Variants in ARID2 observed in about 807,000 individuals in gnomAD.
ARID2 encodes the protein AT-rich interactive domain-containing protein 2.
Under a neutral mutation model 184.6 loss-of-function variants are expected in ARID2, and 32 were observed. That is an observed-to-expected ratio of 0.17 (90% CI 0.13 to 0.23). The LOEUF (loss-of-function observed/expected upper bound fraction) is 0.23. Ranked by LOEUF, ARID2 falls within the 10% of genes least tolerant of loss-of-function variation. The pLI, the probability that ARID2 is intolerant of heterozygous loss-of-function variation, is 1.00. For synonymous variants in ARID2, 836 were observed against 772.6 expected (o/e 1.08, Z -1.36); for missense variants, 1,696 against 2,197.6 (o/e 0.77, Z 4.56).
rs919664929 is a variant in ARID2 at position 45,907,365 on chromosome 12, G to A, written c.*2287G>A. 1.7e-5 allele frequency: 4 copies of A among 233,304 alleles called. No homozygotes were observed. The highest frequency in any genetic ancestry group is 3.4e-5 in the Non-Finnish European group (4 of 117,880). The allele number at this position is 233,304 out of a possible 1,614,324, so 14.5% of individuals were successfully genotyped here. A position where few individuals can be genotyped will look rare whatever the true frequency, so the allele number is the denominator to read the frequency against. Reference sequence around the variant, plus strand: ...GTGGTAATTAAATTAATAGAAAAGAGAACAAACTGCAGGTTTAGAAAAATG... The same window carrying A: ...GTGGTAATTAAATTAATAGAAAAGAAAACAAACTGCAGGTTTAGAAAAATG... On this transcript the variant is annotated 3_prime_UTR_variant, in exon 21 of 21. Coordinates refer to ENST00000334344, the MANE Select transcript of ARID2 (RefSeq NM_152641.4).
intron 3 of ARID2, among the ~76,000 whole-genome samples, chr12:45,774,284 A>G (rs1249056296): frequency 6.6e-6 from 1 of 151,942 alleles, no homozygotes; most frequent in Non-Finnish European, 1.5e-5. Flanking sequence ...CCTAATTTTT[A>G]GTGTGAAGGT....
chr12:45,823,883 C>CT (rs1942943455), intron 6 of ARID2, among the ~76,000 whole-genome samples: 1 of 152,240 alleles, frequency 6.6e-6, no homozygotes, highest in African/African-American at 2.4e-5. Context: ...CAGTTCTTCT[C>CT]TAACTATTCC....
intron 20 of ARID2, among the ~76,000 whole-genome samples, chr12:45,899,663 A>ATGGT (rs369610412): frequency 1.5e-4 from 3 of 19,364 alleles, no homozygotes; most frequent in Non-Finnish European, 4.9e-4. Flanking sequence ...TTATATATAT[A>ATGGT]TATATGGTTA....
intron 3 of ARID2, among the ~76,000 whole-genome samples, chr12:45,735,030 C>T (rs1941081638): frequency 6.6e-6 from 1 of 151,606 alleles, no homozygotes; most frequent in Non-Finnish European, 1.5e-5. Context: ...TTATATGTAC[C>T]TACCTTTAGA....
intron 6 of ARID2, among the ~76,000 whole-genome samples, chr12:45,823,356 G>T (rs1209970793): frequency 6.6e-6 from 1 of 151,904 alleles, no homozygotes; most frequent in East Asian, 1.9e-4. Context: ...AAAGTAGAAA[G>T]ATTTCAAATA....
At chr12:45,755,711 C>T (rs1941555801) in intron 3 of ARID2, among the ~76,000 whole-genome samples, 1 of 152,162 alleles carries the variant, frequency 6.6e-6, no homozygotes, top group Non-Finnish European at 1.5e-5. Context: ...TTTACAACTT[C>T]ATCTCTGAGC....
intron 3 of ARID2, among the ~76,000 whole-genome samples, chr12:45,757,128 A>C (rs1247167404): frequency 3.3e-5 from 5 of 152,276 alleles, no homozygotes; most frequent in South Asian, 4.1e-4. Context: ...ATCCCCTTTC[A>C]TTGTACAATT....
intron 3 of ARID2, among the ~76,000 whole-genome samples, chr12:45,795,293 T>A (rs1016537953): frequency 3.3e-5 from 5 of 152,162 alleles, no homozygotes; most frequent in African/African-American, 9.7e-5. Context: ...TCTACTCCTG[T>A]TCTCATGAGG....
At chr12:45,846,162 T>A (rs866165005) in intron 11 of ARID2, 1 of 152,176 alleles carries the variant, frequency 6.6e-6, no homozygotes, top group Non-Finnish European at 1.5e-5. Flanking sequence ...GATTAATAGC[T>A]AGTACATTTG....
chr12:45,809,458 A>T (rs1431501676), intron 3 of ARID2, among the ~76,000 whole-genome samples: 2 of 152,002 alleles, frequency 1.3e-5, no homozygotes, highest in African/African-American at 4.8e-5. Flanking sequence ...TTACCTACTT[A>T]AGTTTGTTGT....
chr12:45,768,861 A>G (rs1274892820), intron 3 of ARID2, among the ~76,000 whole-genome samples: 1 of 152,222 alleles, frequency 6.6e-6, no homozygotes, highest in East Asian at 1.9e-4. Flanking sequence ...ATCAGCCAGC[A>G]ATTGGTGATG....
chr12:45,753,015 C>T (rs941504637), intron 3 of ARID2, among the ~76,000 whole-genome samples: 8 of 152,056 alleles, frequency 5.3e-5, no homozygotes, highest in East Asian at 1.9e-4. Context: ...AATCCCAGCA[C>T]TTTGGGAGGC....
chr12:45,781,840 T>C (rs895569391), intron 3 of ARID2, among the ~76,000 whole-genome samples: 3 of 152,228 alleles, frequency 2.0e-5, no homozygotes, highest in African/African-American at 7.2e-5. Context: ...TAAAGGAACC[T>C]GTTTAAACCC....
At chr12:45,857,329 G>C (rs1408014707) in intron 15 of ARID2, among the ~76,000 whole-genome samples, 1 of 152,178 alleles carries the variant, frequency 6.6e-6, no homozygotes, top group Non-Finnish European at 1.5e-5. Flanking sequence ...GGTAGCCTCA[G>C]GCGGGGGCAG....
intron 3 of ARID2, among the ~76,000 whole-genome samples, chr12:45,762,018 T>G (rs535802556): frequency 6.6e-6 from 1 of 152,300 alleles, no homozygotes; most frequent in East Asian, 1.9e-4. Context: ...TATATATTTT[T>G]ACAGCCAATA....
chr12:45,847,269 T>C (rs1406110984), intron 12 of ARID2, among the ~76,000 whole-genome samples: 2 of 152,126 alleles, frequency 1.3e-5, no homozygotes, highest in East Asian at 3.8e-4. Flanking sequence ...ACAAAATTTG[T>C]TCTTCTAAAA....
At chr12:45,750,655 T>A (rs1941446610) in intron 3 of ARID2, among the ~76,000 whole-genome samples, 1 of 152,218 alleles carries the variant, frequency 6.6e-6, no homozygotes, top group Non-Finnish European at 1.5e-5. Context: ...TTTGAAAACA[T>A]GGATACGATT....
chr12:45,799,124 T>G (rs996892657), intron 3 of ARID2, among the ~76,000 whole-genome samples: 3 of 152,080 alleles, frequency 2.0e-5, no homozygotes, highest in African/African-American at 7.2e-5. Context: ...ATTCTTATTG[T>G]TTGTCTCTCC....
chr12:45,750,226 A>G (rs1213888977), intron 3 of ARID2, among the ~76,000 whole-genome samples: 4 of 152,144 alleles, frequency 2.6e-5, no homozygotes, highest in African/African-American at 9.7e-5. Context: ...AGGGATGCCC[A>G]AGGAGAAGGG....
Sources: allele counts gnomAD v4.1 joint callset (sites outside exome capture counted in the v4.1 genomes callset), GRCh38; gene constraint gnomAD v4.1.1; transcripts MANE v1.5; gene names NCBI Gene and HGNC (gene_info 2026-07-23, HGNC 2026-07-21).